Variants in AGPS observed in about 807,000 individuals in gnomAD.
The protein encoded by AGPS is alkyldihydroxyacetonephosphate synthase, peroxisomal.
In AGPS, 26 loss-of-function variants were observed where a neutral mutation model predicts 90.7. That is an observed-to-expected ratio of 0.29 (90% CI 0.21 to 0.40). The LOEUF (loss-of-function observed/expected upper bound fraction) is 0.40. AGPS is among the 10% of genes least tolerant of loss of function. The pLI is 1.00. For synonymous variants in AGPS, 294 were observed against 285.3 expected, an observed-to-expected ratio of 1.03 and a Z score of -0.31; for missense variants, 540 against 816.1, an observed-to-expected ratio of 0.66 and a Z score of 4.12.
At chr2:177,478,182 T>A (rs1368939982) in intron 10 of AGPS, among the ~76,000 whole-genome samples, 1 of 152,234 alleles carries the variant, frequency 6.6e-6, no homozygotes, top group Non-Finnish European at 1.5e-5. Context: ...CACCACTGTC[T>A]GACTTTCATT....
At chr2:177,447,567 G>A (rs969880093) in intron 8 of AGPS, among the ~76,000 whole-genome samples, 5 of 150,438 alleles carry the variant, frequency 3.3e-5, no homozygotes, top group African/African-American at 1.2e-4. Context: ...CTTTATTATA[G>A]CATTTGATGT....
intron 19 of AGPS, among the ~76,000 whole-genome samples, chr2:177,529,073 T>G (rs1264456030): frequency 6.6e-6 from 1 of 151,916 alleles, no homozygotes; most frequent in African/African-American, 2.4e-5. Context: ...GCCAGGCTGG[T>G]CTTGAACTCC....
rs565469000 is a variant in AGPS, at chr2:177,516,491, T to A, written c.1697+2583T>A. On this transcript the variant is annotated intron_variant, in intron 17 of 19. Transcript: ENST00000264167. Reference sequence around the variant, plus strand: ...TGTTTAAGTGTCTTAAATGATAGAGTTGATCTATTGTAAAAGGTGTTAGAT... The same window carrying A: ...TGTTTAAGTGTCTTAAATGATAGAGATGATCTATTGTAAAAGGTGTTAGAT... Among the ~76,000 whole-genome samples, 3 of 152,210 alleles carry A rather than the reference T, an allele frequency of 2.0e-5. No homozygotes were observed. In the South Asian group the frequency reaches 6.2e-4, roughly 32 times the overall value.
chr2:177,493,553 C>T (rs12469386), intron 12 of AGPS, among the ~76,000 whole-genome samples: 88,372 of 152,076 alleles, frequency 0.58, 29,721 homozygotes, highest in Non-Finnish European at 0.73. Flanking sequence ...AACCAGACTT[C>T]TTCACTTGGC....
chr2:177,438,981 A>AGTAC (rs1194674580), intron 5 of AGPS, among the ~76,000 whole-genome samples: 2 of 44,612 alleles, frequency 4.5e-5, no homozygotes, highest in Non-Finnish European at 9.3e-5. Flanking sequence ...TCATTCTTGC[A>AGTAC]ATACACACAC....
At chr2:177,440,173 C>T (rs186333640) in intron 5 of AGPS, among the ~76,000 whole-genome samples, 10 of 152,108 alleles carry the variant, frequency 6.6e-5, no homozygotes, top group African/African-American at 2.4e-4. Flanking sequence ...TACTGTGTTT[C>T]TTGTTGAAAT....
rs1213435296 is a variant in AGPS at position 177,486,528 on chromosome 2, T to C, written c.1233+4342T>C. Among the ~76,000 whole-genome samples the C allele has an allele frequency of 1.3e-5, 2 of 151,742 alleles. 1 individual carries two copies. The highest frequency in any genetic ancestry group is 6.4e-3 in the Middle Eastern group (2 of 314). On this transcript the variant is annotated intron_variant, in intron 11 of 19. Coordinates refer to ENST00000264167, the MANE Select transcript of AGPS (RefSeq NM_003659.4). ...GGGAATTAAGATCCATTAAAGTAGA[T>C]GGTACATGGCTTATGATTGTGCCAA...
chr2:177,401,114 G>A (rs975471901), intron 1 of AGPS, among the ~76,000 whole-genome samples: 1 of 152,170 alleles, frequency 6.6e-6, no homozygotes, highest in African/African-American at 2.4e-5. Context: ...CCACTATGGA[G>A]CTGACTTTTA....
At chr2:177,474,641 C>A (rs946175463) in intron 10 of AGPS, among the ~76,000 whole-genome samples, 4 of 152,208 alleles carry the variant, frequency 2.6e-5, no homozygotes, top group Non-Finnish European at 4.4e-5. Flanking sequence ...GGGACCCTCC[C>A]TTATCTGCCT....
At chr2:177,441,680 T>C (rs1286334778) in intron 6 of AGPS, among the ~76,000 whole-genome samples, 1 of 152,208 alleles carries the variant, frequency 6.6e-6, no homozygotes, top group Non-Finnish European at 1.5e-5. Flanking sequence ...CATGTTTTCT[T>C]TCATGCAGAA....
At chr2:177,496,609 C>T (rs762678165) in intron 12 of AGPS, among the ~76,000 whole-genome samples, 1 of 152,072 alleles carries the variant, frequency 6.6e-6, no homozygotes, top group Non-Finnish European at 1.5e-5. Flanking sequence ...TTTAATGCCT[C>T]AGGTATAGCA....
intron 1 of AGPS, among the ~76,000 whole-genome samples, chr2:177,411,185 A>C (rs1685611220): frequency 6.6e-6 from 1 of 152,174 alleles, no homozygotes; most frequent in African/African-American, 2.4e-5. Context: ...TGCAGGCCTA[A>C]GGCGGACTTT....
chr2:177,473,597 T>C (rs1213718500), intron 10 of AGPS, among the ~76,000 whole-genome samples: 1 of 152,184 alleles, frequency 6.6e-6, no homozygotes, highest in Non-Finnish European at 1.5e-5. Flanking sequence ...AATTAAGTAA[T>C]AAATAATTTA....
chr2:177,395,511 T>C (rs376879851), intron 1 of AGPS, among the ~76,000 whole-genome samples: 3 of 152,204 alleles, frequency 2.0e-5, no homozygotes, highest in African/African-American at 7.2e-5. Flanking sequence ...AGATGACACA[T>C]CAAAAGCTTC....
intron 1 of AGPS, among the ~76,000 whole-genome samples, chr2:177,396,381 A>G (rs1297666013): frequency 1.3e-5 from 2 of 152,184 alleles, no homozygotes; most frequent in Non-Finnish European, 2.9e-5. Flanking sequence ...GCCCTATGGA[A>G]CTTATATTCT....
At chr2:177,470,724 A>AG (rs1420493020) in intron 10 of AGPS, among the ~76,000 whole-genome samples, 12 of 149,270 alleles carry the variant, frequency 8.0e-5, no homozygotes, top group African/African-American at 3.1e-4. Flanking sequence ...AAAAAAAAAA[A>AG]AGAAAAAAAA....
At chr2:177,455,158 C>G (rs1333619352) in intron 8 of AGPS, among the ~76,000 whole-genome samples, 4 of 152,182 alleles carry the variant, frequency 2.6e-5, no homozygotes, top group African/African-American at 9.7e-5. Context: ...TGGTATTTCA[C>G]TCACTTGCAT....
At chr2:177,477,763 C>T (rs774723356) in intron 10 of AGPS, among the ~76,000 whole-genome samples, 10 of 152,072 alleles carry the variant, frequency 6.6e-5, no homozygotes, top group Non-Finnish European at 1.0e-4. Context: ...GTATCCTTAG[C>T]CCAATAGAGC....
chr2:177,449,695 G>A (rs986013008), intron 8 of AGPS, among the ~76,000 whole-genome samples: 8 of 152,128 alleles, frequency 5.3e-5, no homozygotes, highest in Middle Eastern at 3.2e-3. Context: ...CCAAAGTGTT[G>A]GGATTATAGG....
Sources: gnomAD v4.1 joint callset for allele counts (sites outside exome capture counted in the v4.1 genomes callset) on GRCh38, gnomAD v4.1.1 for gene constraint, MANE v1.5 for transcripts, NCBI Gene and HGNC (gene_info 2026-07-23, HGNC 2026-07-21) for gene names.